The following KCNIP4 variants were observed in gnomAD, a reference collection of about 807,000 sequenced individuals.
The protein encoded by KCNIP4 is Kv channel-interacting protein 4.
Under a neutral mutation model 34.0 loss-of-function variants are expected in KCNIP4, and 12 were observed. The ratio of observed to expected loss-of-function variants is 0.35; its 90% CI spans 0.23 to 0.57. KCNIP4 has a LOEUF of 0.57. Ranked by LOEUF, KCNIP4 falls within the 20% of genes least tolerant of loss-of-function variation. The probability of loss-of-function intolerance (pLI) is 0.83; values close to 1 mark genes in which losing one functional copy is unlikely to be tolerated. For synonymous variants in KCNIP4, 124 were observed against 102.2 expected (o/e 1.21, Z -1.29); for missense variants, 238 against 311.7 (o/e 0.76, Z 1.78).
At chr4:21,448,093 A>C (rs1397614894) in intron 1 of KCNIP4, among the ~76,000 whole-genome samples, 1 of 152,166 alleles carries the variant, frequency 6.6e-6, no homozygotes, top group Non-Finnish European at 1.5e-5. Flanking sequence ...ATGCCTAAAA[A>C]TGAGGAAGTA....
intron 1 of KCNIP4, among the ~76,000 whole-genome samples, chr4:20,894,348 C>T (rs1577328223): frequency 6.6e-6 from 1 of 152,144 alleles, no homozygotes; most frequent in South Asian, 2.1e-4. Flanking sequence ...GGTGTATTTT[C>T]GTGTTGGAGT....
In KCNIP4 at chr4:20,731,987, T is replaced by C. The variant is rs1162165687; in HGVS notation, c.705+19A>G. On this transcript the variant is annotated intron_variant, in intron 8 of 8. Transcript: ENST00000382152. ...GTTATGATAGCTGAATTGATAGTTA[T>C]TACACTTTCATTACTTACTTTTTGG... 1.2e-6 allele frequency: 2 copies of C among 1,612,782 alleles called. No homozygotes were observed. The highest frequency in any genetic ancestry group is 1.7e-5 in the Admixed American group (1 of 59,900).
chr4:21,786,562 G>C (rs994635452), intron 1 of KCNIP4, among the ~76,000 whole-genome samples: 2 of 135,862 alleles, frequency 1.5e-5, no homozygotes, highest in Non-Finnish European at 3.1e-5. Context: ...AACCAGCATA[G>C]AGAGTCACTC....
intron 1 of KCNIP4, among the ~76,000 whole-genome samples, chr4:21,662,798 G>T (rs1327023598): frequency 1.3e-5 from 2 of 152,164 alleles, no homozygotes; most frequent in Non-Finnish European, 2.9e-5. Context: ...GAAAAAAGAG[G>T]AGAATTTGGA....
intron 1 of KCNIP4, among the ~76,000 whole-genome samples, chr4:20,993,953 A>G (rs966778504): frequency 8.5e-5 from 13 of 152,112 alleles, no homozygotes; most frequent in Non-Finnish European, 1.6e-4. Flanking sequence ...GGCCCCTTCC[A>G]TTGTTAGTGC....
chr4:21,226,142 T>C (rs1443041959), intron 1 of KCNIP4, among the ~76,000 whole-genome samples: 1 of 149,382 alleles, frequency 6.7e-6, no homozygotes, highest in Non-Finnish European at 1.5e-5. Context: ...TGCAAGTTCA[T>C]GTAGTTAGAA....
At chr4:21,625,028 G>A (rs1020587195) in intron 1 of KCNIP4, among the ~76,000 whole-genome samples, 4 of 152,016 alleles carry the variant, frequency 2.6e-5, no homozygotes, top group Non-Finnish European at 1.5e-5. Context: ...AAAATGATCT[G>A]AGGTTCCAAA....
chr4:21,738,961 G>T (rs1034016467), intron 1 of KCNIP4, among the ~76,000 whole-genome samples: 2 of 152,030 alleles, frequency 1.3e-5, no homozygotes, highest in Non-Finnish European at 2.9e-5. Context: ...ATCTTGATTC[G>T]GCTTTCATTA....
intron 1 of KCNIP4, among the ~76,000 whole-genome samples, chr4:21,310,921 C>T (rs972540230): frequency 2.0e-5 from 3 of 152,086 alleles, no homozygotes; most frequent in Non-Finnish European, 4.4e-5. Context: ...AGCCACTATG[C>T]CTGGTCTGAG....
intron 3 of KCNIP4, among the ~76,000 whole-genome samples, chr4:20,827,752 T>A (rs989473479): frequency 6.6e-6 from 1 of 151,462 alleles, no homozygotes; most frequent in African/African-American, 2.4e-5. Flanking sequence ...ATCAATTTCA[T>A]GCTGCAGTTA....
chr4:20,746,794 A>G lies in KCNIP4; in HGVS notation c.429+2868T>C, dbSNP rs567112267. Among the ~76,000 whole-genome samples the G allele has an allele frequency of 2.0e-5, 3 of 152,246 alleles. No homozygotes were observed. The South Asian group carries it at 6.2e-4, about 32-fold the overall frequency. On this transcript the variant is annotated intron_variant, in intron 5 of 8. Coordinates refer to ENST00000382152, the MANE Select transcript of KCNIP4 (RefSeq NM_025221.6). ...TACCAAATCCAGGGCCCCTCCTATC[A>G]TATTTCTTCTGCCTTTCAGGTTTAA...
intron 1 of KCNIP4, among the ~76,000 whole-genome samples, chr4:21,120,642 T>C (rs1384850333): frequency 6.6e-6 from 1 of 152,146 alleles, no homozygotes; most frequent in South Asian, 2.1e-4. Context: ...AACCATCAGC[T>C]CTCATGAGAG....
intron 1 of KCNIP4, among the ~76,000 whole-genome samples, chr4:21,923,470 A>G (rs1229097400): frequency 1.3e-5 from 2 of 152,116 alleles, no homozygotes; most frequent in Non-Finnish European, 2.9e-5. Flanking sequence ...AATCCCAGCT[A>G]CTTTGGAGGC....
chr4:20,951,461 T>G (rs1439495684), intron 1 of KCNIP4, among the ~76,000 whole-genome samples: 3 of 152,252 alleles, frequency 2.0e-5, no homozygotes, highest in East Asian at 3.8e-4. Flanking sequence ...AGAAAAAGTT[T>G]GATCCTCTAG....
intron 4 of KCNIP4, among the ~76,000 whole-genome samples, chr4:20,757,881 C>G (rs981144821): frequency 9.2e-5 from 14 of 152,200 alleles, no homozygotes; most frequent in Non-Finnish European, 5.9e-5. Context: ...TTCAACTCAT[C>G]TGGAGAGTCT....
At chr4:21,348,274 A>G (rs899715212) in intron 1 of KCNIP4, among the ~76,000 whole-genome samples, 2 of 152,188 alleles carry the variant, frequency 1.3e-5, no homozygotes, top group African/African-American at 4.8e-5. Flanking sequence ...TCAATGATGA[A>G]AAGAACTGTT....
At chr4:21,646,989 G>GA (rs921966097) in intron 1 of KCNIP4, among the ~76,000 whole-genome samples, 11 of 151,528 alleles carry the variant, frequency 7.3e-5, no homozygotes, top group Admixed American at 2.6e-4. Flanking sequence ...GTTTTGAGGG[G>GA]AAAAAAAACC....
At chr4:21,003,075 C>T (rs571000765) in intron 1 of KCNIP4, among the ~76,000 whole-genome samples, 22 of 152,264 alleles carry the variant, frequency 1.4e-4, no homozygotes, top group African/African-American at 5.1e-4. Context: ...CTCCTGTGTT[C>T]GTGTACCATT....
At chr4:21,455,709 T>A in intron 1 of KCNIP4, among the ~76,000 whole-genome samples, 1 of 149,002 alleles carries the variant, frequency 6.7e-6, no homozygotes, top group Non-Finnish European at 1.5e-5. Context: ...CAACACCCTT[T>A]TTTTTCTTTT....
Sources: gnomAD v4.1 joint callset for allele counts (sites outside exome capture counted in the v4.1 genomes callset) on GRCh38, gnomAD v4.1.1 for gene constraint, MANE v1.5 for transcripts, NCBI Gene and HGNC (gene_info 2026-07-23, HGNC 2026-07-21) for gene names.